Variants in SPAG16 observed in about 807,000 individuals in gnomAD.
SPAG16 encodes the protein sperm-associated antigen 16 protein.
SPAG16 carries 86 observed loss-of-function variants against 80.4 expected under a neutral mutation model. That is an observed-to-expected ratio of 1.07 (90% CI 0.90 to 1.28). The LOEUF is 1.28. SPAG16 is among the 50% of genes most tolerant of loss of function. The pLI, the probability that SPAG16 is intolerant of heterozygous loss-of-function variation, is 0.00. For synonymous variants in SPAG16, 294 were observed against 265.9 expected, an observed-to-expected ratio of 1.11 and a Z score of -1.03; for missense variants, 870 against 765.3, an observed-to-expected ratio of 1.14 and a Z score of -1.61.
At chr2:213,448,258 G>A (rs1318869602) in intron 9 of SPAG16, among the ~76,000 whole-genome samples, 2 of 152,228 alleles carry the variant, frequency 1.3e-5, no homozygotes, top group Non-Finnish European at 2.9e-5. Context: ...CCTACAACGA[G>A]ACTAATCATT....
chr2:213,322,106 A>T (rs911092004), intron 5 of SPAG16, among the ~76,000 whole-genome samples: 6 of 144,446 alleles, frequency 4.2e-5, no homozygotes, highest in East Asian at 2.0e-4. Flanking sequence ...AAAAAAAAGT[A>T]AAAAAAAAAG....
At chr2:213,396,340 C>G (rs1247655905) in intron 9 of SPAG16, among the ~76,000 whole-genome samples, 3 of 152,078 alleles carry the variant, frequency 2.0e-5, no homozygotes, top group African/African-American at 4.8e-5. Context: ...GTTTATCTCC[C>G]CACATATTTG....
intron 9 of SPAG16, among the ~76,000 whole-genome samples, chr2:213,414,679 C>T (rs114458913): frequency 0.012 from 1,822 of 152,278 alleles, 34 homozygotes; most frequent in African/African-American, 0.031. Flanking sequence ...ACTGCTAATG[C>T]AAAACTTTAA....
intron 15 of SPAG16, among the ~76,000 whole-genome samples, chr2:214,248,328 ATTATTATTG>A (rs1188089861): frequency 7.9e-6 from 1 of 126,450 alleles, no homozygotes; most frequent in African/African-American, 3.0e-5. Flanking sequence ...TATTATTATT[ATTATTATTG>A]AGACAGAGTC....
At chr2:213,617,486 C>T (rs371913207) in intron 10 of SPAG16, among the ~76,000 whole-genome samples, 8 of 152,104 alleles carry the variant, frequency 5.3e-5, no homozygotes, top group East Asian at 1.9e-4. Flanking sequence ...GGATTACAGG[C>T]GCCCACCACC....
chr2:213,513,494 T>G (rs1035416745), intron 10 of SPAG16, among the ~76,000 whole-genome samples: 1 of 152,222 alleles, frequency 6.6e-6, no homozygotes, highest in Non-Finnish European at 1.5e-5. Flanking sequence ...GAGCATCTTT[T>G]TTTTTTGCAA....
In SPAG16 at chr2:214,260,963, C is replaced by T. The variant is rs1241537945; in HGVS notation, c.1720+111697C>T. Among the ~76,000 whole-genome samples, 7 of 151,558 alleles carry T rather than the reference C, an allele frequency of 4.6e-5. No individual in the cohort carries two copies. In the East Asian group the frequency reaches 5.8e-4, roughly 13 times the overall value. Reference sequence around the variant, plus strand: ...CTCTACTAAAAGTACAAAAATTAGCCGGGCGTGGTGGTGGGCACCTGTAAT... The same window carrying T: ...CTCTACTAAAAGTACAAAAATTAGCTGGGCGTGGTGGTGGGCACCTGTAAT... On this transcript the variant is annotated intron_variant, in intron 15 of 15. Transcript: ENST00000331683.
chr2:214,043,362 T>C (rs965596047), intron 13 of SPAG16, among the ~76,000 whole-genome samples: 3 of 152,154 alleles, frequency 2.0e-5, no homozygotes, highest in Non-Finnish European at 4.4e-5. Context: ...CAAATATCTA[T>C]AGTCCATTTA....
intron 9 of SPAG16, chr2:213,422,436 C>T (rs2069655717): frequency 3.2e-6 from 2 of 619,826 alleles, no homozygotes; most frequent in South Asian, 1.9e-5. Flanking sequence ...TTCTCACTTG[C>T]TCACACACCC....
chr2:213,913,966 C>A (rs2372101), intron 11 of SPAG16, among the ~76,000 whole-genome samples: 2 of 151,850 alleles, frequency 1.3e-5, no homozygotes, highest in Admixed American at 6.6e-5. Flanking sequence ...AGAGAATAAT[C>A]AGCTTTACTC....
At chr2:214,015,528 G>A (rs1306760455) in intron 13 of SPAG16, among the ~76,000 whole-genome samples, 2 of 151,948 alleles carry the variant, frequency 1.3e-5, no homozygotes, top group African/African-American at 2.4e-5. Context: ...TATCCAGGAG[G>A]CGGAAGTTGC....
intron 10 of SPAG16, among the ~76,000 whole-genome samples, chr2:213,696,235 T>C (rs2065147496): frequency 2.0e-5 from 3 of 152,220 alleles, no homozygotes; most frequent in African/African-American, 7.2e-5. Flanking sequence ...GAAAGAACAA[T>C]ATTTTTGAGA....
intron 10 of SPAG16, among the ~76,000 whole-genome samples, chr2:213,536,895 A>G (rs2076269154): frequency 6.6e-6 from 1 of 152,078 alleles, no homozygotes; most frequent in Non-Finnish European, 1.5e-5. Flanking sequence ...TCACAATAGC[A>G]AAGACTTGGA....
chr2:214,250,757 T>TATATAGAGAGAGAG (rs1475343777), intron 15 of SPAG16, among the ~76,000 whole-genome samples: 5 of 91,286 alleles, frequency 5.5e-5, no homozygotes, highest in East Asian at 3.3e-4. Context: ...TATATATATA[T>TATATAGAGAGAGAG]AGAGAGAGAG....
intron 11 of SPAG16, among the ~76,000 whole-genome samples, chr2:213,889,716 T>TGCATATATATATACATATATATAC (rs1559555852): frequency 1.5e-5 from 2 of 135,920 alleles, no homozygotes; most frequent in African/African-American, 5.1e-5. Flanking sequence ...TATATACATA[T>TGCATATATATATACATATATATAC]GCATATATAT....
intron 15 of SPAG16, among the ~76,000 whole-genome samples, chr2:214,262,346 G>A (rs552915524): frequency 2.6e-5 from 4 of 151,996 alleles, no homozygotes; most frequent in African/African-American, 9.6e-5. Context: ...AGGGTCTCTT[G>A]AATTACCTGT....
At chr2:213,792,293 C>A (rs1260622761) in intron 10 of SPAG16, among the ~76,000 whole-genome samples, 1 of 152,196 alleles carries the variant, frequency 6.6e-6, no homozygotes, top group Non-Finnish European at 1.5e-5. Context: ...CATTTGACTT[C>A]ATTGAAGTTC....
chr2:214,193,872 T>A (rs996245991), intron 15 of SPAG16, among the ~76,000 whole-genome samples: 5 of 152,094 alleles, frequency 3.3e-5, no homozygotes, highest in Non-Finnish European at 7.4e-5. Flanking sequence ...CTAAGTATCA[T>A]CTCTGTGTAA....
intron 10 of SPAG16, among the ~76,000 whole-genome samples, chr2:213,584,030 TA>T (rs2060383183): frequency 5.3e-5 from 8 of 152,218 alleles, no homozygotes; most frequent in Admixed American, 5.2e-4. Flanking sequence ...TGTAGAAATG[TA>T]AACTTTAACA....
Sources: gnomAD v4.1 joint callset for allele counts (sites outside exome capture counted in the v4.1 genomes callset) on GRCh38, gnomAD v4.1.1 for gene constraint, MANE v1.5 for transcripts, NCBI Gene and HGNC (gene_info 2026-07-23, HGNC 2026-07-21) for gene names.